The following ZBTB20 variants were observed in gnomAD, a reference collection of about 807,000 sequenced individuals.
ZBTB20 encodes the protein zinc finger and BTB domain-containing protein 20.
A neutral mutation model predicts 56.9 loss-of-function variants in ZBTB20; 9 were observed. The ratio of observed to expected loss-of-function variants is 0.16; its 90% CI spans 0.10 to 0.28. The LOEUF is 0.28. Ranked by LOEUF, ZBTB20 falls within the 10% of genes least tolerant of loss-of-function variation. The pLI is 1.00. For synonymous variants in ZBTB20, 417 were observed against 420.7 expected, an observed-to-expected ratio of 0.99 and a Z score of 0.11; for missense variants, 655 against 1,003.0, an observed-to-expected ratio of 0.65 and a Z score of 4.69.
At chr3:114,755,669 T>G (rs1299144716) in intron 5 of ZBTB20, among the ~76,000 whole-genome samples, 2 of 152,060 alleles carry the variant, frequency 1.3e-5, no homozygotes, top group African/African-American at 4.8e-5. Flanking sequence ...GTCCTTTTTT[T>G]CTCTCTCTAG....
chr3:114,559,923 T>TC (rs1323776056), intron 6 of ZBTB20, among the ~76,000 whole-genome samples: 3 of 152,156 alleles, frequency 2.0e-5, no homozygotes, highest in Admixed American at 2.0e-4. Context: ...CTTAGCTTAA[T>TC]TTCAGGGATG....
chr3:114,774,697 A>C (rs947269932), intron 5 of ZBTB20, among the ~76,000 whole-genome samples: 17 of 152,212 alleles, frequency 1.1e-4, no homozygotes, highest in Non-Finnish European at 2.1e-4. Context: ...TAAACCAGGA[A>C]CATTTAAAAA....
intron 6 of ZBTB20, among the ~76,000 whole-genome samples, chr3:114,644,518 C>A (rs532459972): frequency 6.6e-6 from 1 of 152,206 alleles, no homozygotes; most frequent in African/African-American, 2.4e-5. Context: ...CATTACTAAT[C>A]ATCAGAGAAA....
chr3:115,049,301 G>A (rs2081454524), intron 2 of ZBTB20, among the ~76,000 whole-genome samples: 1 of 152,082 alleles, frequency 6.6e-6, no homozygotes, highest in Non-Finnish European at 1.5e-5. Context: ...CAAAGAAAAG[G>A]AGTATCTGGT....
chr3:114,566,353 A>G (rs1421719766), intron 6 of ZBTB20, among the ~76,000 whole-genome samples: 3 of 152,156 alleles, frequency 2.0e-5, no homozygotes. Flanking sequence ...ATCACAGACC[A>G]AGGCAAGAGG....
intron 4 of ZBTB20, among the ~76,000 whole-genome samples, chr3:114,878,623 T>C (rs1172252588): frequency 6.6e-6 from 1 of 151,174 alleles, no homozygotes; most frequent in East Asian, 1.9e-4. Context: ...CCCTTGACTC[T>C]CCTTTGAAAG....
intron 4 of ZBTB20, among the ~76,000 whole-genome samples, chr3:114,895,967 C>T (rs1048232285): frequency 5.3e-5 from 8 of 152,088 alleles, no homozygotes; most frequent in Admixed American, 2.0e-4. Context: ...TAAATTCAAA[C>T]TCAAGCATGA....
At chr3:114,430,811 A>G (rs1289200016) in intron 7 of ZBTB20, among the ~76,000 whole-genome samples, 1 of 152,182 alleles carries the variant, frequency 6.6e-6, no homozygotes, top group Admixed American at 6.5e-5. Context: ...CTGCCAGTAG[A>G]TAGGGTTTTA....
chr3:115,129,367 G>A (rs1017622906), intron 1 of ZBTB20, among the ~76,000 whole-genome samples: 3 of 152,002 alleles, frequency 2.0e-5, no homozygotes, highest in African/African-American at 7.3e-5. Context: ...AGTACCATAC[G>A]GTACAGACTA....
chr3:114,412,205 A>C (rs1432506608), intron 7 of ZBTB20, among the ~76,000 whole-genome samples: 1 of 152,166 alleles, frequency 6.6e-6, no homozygotes, highest in Non-Finnish European at 1.5e-5. Flanking sequence ...TACTAACACC[A>C]TTTGCACAAG....
At chr3:114,443,669 G>A (rs543971662) in intron 7 of ZBTB20, among the ~76,000 whole-genome samples, 14 of 152,250 alleles carry the variant, frequency 9.2e-5, no homozygotes, top group African/African-American at 2.4e-4. Flanking sequence ...CTATGACCTC[G>A]AGAAGTATAT....
At position 114,504,127 on chromosome 3, in the gene ZBTB20, T is replaced by TA. The variant is rs562419072; in HGVS notation, c.-294-3737dup. ...TAAAGCCAGCAGCAAAGAAAATGTA[T>TA]AAAAAAGAGTTCTAAGTGGGTAAGG... On this transcript the variant is annotated intron_variant, in intron 6 of 11. Coordinates refer to ENST00000675478, the MANE Select transcript of ZBTB20 (RefSeq NM_001348800.3). 1.5e-4 allele frequency among the ~76,000 whole-genome samples: 23 copies of TA among 152,242 alleles called. No homozygotes were observed. The East Asian group carries it at 4.4e-3, about 29-fold the overall frequency.
chr3:114,559,720 A>G (rs1187457523), intron 6 of ZBTB20, among the ~76,000 whole-genome samples: 1 of 152,158 alleles, frequency 6.6e-6, no homozygotes, highest in Non-Finnish European at 1.5e-5. Flanking sequence ...CACCTATGAA[A>G]ATCCTATCAC....
At chr3:114,439,096 A>G (rs991883757) in intron 7 of ZBTB20, among the ~76,000 whole-genome samples, 3 of 152,146 alleles carry the variant, frequency 2.0e-5, no homozygotes, top group Non-Finnish European at 4.4e-5. Flanking sequence ...TGTCACAGTC[A>G]CTAATCCGTG....
chr3:114,595,551 C>T (rs1297090785), intron 6 of ZBTB20, among the ~76,000 whole-genome samples: 3 of 152,170 alleles, frequency 2.0e-5, no homozygotes, highest in Non-Finnish European at 4.4e-5. Flanking sequence ...TTAGGAGTTA[C>T]TGCTGGTTCA....
At chr3:114,527,992 A>AT (rs35884469) in intron 6 of ZBTB20, among the ~76,000 whole-genome samples, 14,803 of 142,408 alleles carry the variant, frequency 0.1, 952 homozygotes, top group African/African-American at 0.18. Context: ...TCCCTTCATA[A>AT]TTTTTTTTTT....
rs185766878 is a variant in ZBTB20, at chr3:114,470,146, A to T, written c.-255+30206T>A. Among the ~76,000 whole-genome samples the T allele has an allele frequency of 2.4e-3, 366 of 152,220 alleles. 1 individual carries two copies. The highest frequency in any genetic ancestry group is 6.3e-3 in the Admixed American group (96 of 15,276). ...AAATACCTCTGGTATCTCTCCATAA[A>T]ATGTTAGGTGATCATTTCTTAACAG... On this transcript the variant is annotated intron_variant, in intron 7 of 11. Coordinates refer to ENST00000675478, the MANE Select transcript of ZBTB20 (RefSeq NM_001348800.3).
chr3:114,643,086 C>A (rs1283482026), intron 6 of ZBTB20, among the ~76,000 whole-genome samples: 1 of 152,066 alleles, frequency 6.6e-6, no homozygotes, highest in East Asian at 1.9e-4. Context: ...AATCACCCCT[C>A]CTTTTATATA....
In ZBTB20 at chr3:114,832,658, C is replaced by A. The variant is rs183938397; in HGVS notation, c.-416-31484G>T. Among the ~76,000 whole-genome samples, 702 of 152,170 alleles carry A rather than the reference C, an allele frequency of 4.6e-3. 4 individuals carry two copies. Among genetic ancestry groups the A allele is most frequent in the South Asian group, 0.026 (124 of 4,822 alleles). ...CGTTATATTTTCTATTTCTAAAATT[C>A]TCTAGGCTCAAAGTCAATATGTAAG... is the stretch of plus-strand genomic sequence containing the variant. On this transcript the variant is annotated intron_variant, in intron 4 of 11. Transcript: ENST00000675478.
Sources: allele counts gnomAD v4.1 joint callset (sites outside exome capture counted in the v4.1 genomes callset), GRCh38; gene constraint gnomAD v4.1.1; transcripts MANE v1.5; gene names NCBI Gene and HGNC (gene_info 2026-07-23, HGNC 2026-07-21).